Variants in SLCO1B3 observed in about 807,000 individuals in gnomAD.
SLCO1B3 encodes the protein liver-specific organic anion transporter 2.
Under a neutral mutation model 71.8 loss-of-function variants are expected in SLCO1B3, and 72 were observed. The observed-to-expected ratio is 1.00, with a 90% CI of 0.83 to 1.22. SLCO1B3 has a LOEUF of 1.22. Among genes scored for constraint, SLCO1B3 ranks in the 50% most tolerant of loss-of-function variants. SLCO1B3 has a pLI of 0.00. For missense variants in SLCO1B3, 911 were observed against 819.7 expected (o/e 1.11, Z -1.36); for synonymous variants, 298 against 278.4 (o/e 1.07, Z -0.70).
chr12:20,901,305 T>G, intron 14 of SLCO1B3, 45 bp from the exon 15 acceptor site: 1 of 1,175,222 alleles, frequency 8.5e-7, no homozygotes, highest in Non-Finnish European at 1.2e-6. Context: ...CAGTTACATT[T>G]GAAGCATTTC....
rs545073435 is a variant in SLCO1B3, at chr12:20,905,797, CCTT to C, written c.1865+4333_1865+4335del. 6.1e-4 allele frequency among the ~76,000 whole-genome samples: 93 copies of C among 152,334 alleles called. No individual in the cohort carries two copies. In the South Asian group the frequency reaches 0.018, roughly 30 times the overall value. On this transcript the variant is annotated intron_variant, in intron 15 of 15. Transcript: ENST00000381545. Reference sequence around the variant, plus strand: ...TCAATCTTTCCCACATCTTCTGTCTCCTTCTGAGCACTCCTAACTGTTTCAACC... The same window carrying C: ...TCAATCTTTCCCACATCTTCTGTCTCCTGAGCACTCCTAACTGTTTCAACC...
At chr12:20,889,176 C>T (rs1222252483) in intron 13 of SLCO1B3, among the ~76,000 whole-genome samples, 1 of 149,252 alleles carries the variant, frequency 6.7e-6, no homozygotes, top group East Asian at 2.0e-4. Flanking sequence ...TTGTTATGTA[C>T]TTGCCTGGCT....
At position 20,819,654 on chromosome 12, in the gene SLCO1B3, T is replaced by A. The variant is rs1864256493; in HGVS notation, c.84+3832T>A. Among the ~76,000 whole-genome samples, 3 of 151,976 alleles carry A rather than the reference T, an allele frequency of 2.0e-5. No individual in the cohort carries two copies. In the South Asian group the frequency reaches 6.2e-4, roughly 32 times the overall value. On this transcript the variant is annotated intron_variant, in intron 3 of 15. Coordinates refer to ENST00000381545, the MANE Select transcript of SLCO1B3 (RefSeq NM_019844.4). Reference sequence around the variant, plus strand: ...TTGTCTGGTTTTAGGACAGGTAAAATGGGGGAATTGTAAGGAGAGTTTATA... The same window carrying A: ...TTGTCTGGTTTTAGGACAGGTAAAAAGGGGGAATTGTAAGGAGAGTTTATA...
intron 3 of SLCO1B3, among the ~76,000 whole-genome samples, chr12:20,831,763 CAG>C (rs66486532): frequency 0.1 from 15,510 of 151,912 alleles, 1,052 homozygotes; most frequent in Middle Eastern, 0.17. Flanking sequence ...CACATACAGA[CAG>C]AGATAATTAA....
At chr12:20,861,851 C>A (rs1199338072) in intron 6 of SLCO1B3, among the ~76,000 whole-genome samples, 1 of 151,954 alleles carries the variant, frequency 6.6e-6, no homozygotes, top group Admixed American at 6.6e-5. Flanking sequence ...AATATACTTG[C>A]CTACTTTCTT....
intron 3 of SLCO1B3, among the ~76,000 whole-genome samples, chr12:20,820,215 T>C (rs1420867825): frequency 4.0e-4 from 61 of 152,000 alleles, no homozygotes; most frequent in African/African-American, 1.4e-3. Context: ...GAGAGTTACC[T>C]AAAGCTCGGC....
At chr12:20,855,196 A>C in intron 4 of SLCO1B3, 27 bp downstream of exon 4, 1 of 1,575,956 alleles carries the variant, frequency 6.3e-7, no homozygotes, top group Non-Finnish European at 8.7e-7. Context: ...CTATTTGATA[A>C]CCATACTTGC....
intron 9 of SLCO1B3, 50 bp from the exon 10 acceptor site, chr12:20,877,722 T>C: frequency 1.3e-6 from 1 of 783,698 alleles, no homozygotes; most frequent in Non-Finnish European, 1.8e-6. Context: ...AAAATTCAGA[T>C]ATTAATATAT....
In SLCO1B3 at chr12:20,898,086, A is replaced by G. The variant is rs139884352; in HGVS notation, c.1683-350A>G. ...CTGGATAAAAGTATATAATCCTTTAATAGGAGGTACCTTGACTAAATAGTC... is the reference window on the plus strand; with the variant it reads ...CTGGATAAAAGTATATAATCCTTTAGTAGGAGGTACCTTGACTAAATAGTC... On this transcript the variant is annotated intron_variant, in intron 13 of 15. Coordinates refer to ENST00000381545, the MANE Select transcript of SLCO1B3 (RefSeq NM_019844.4). 5.2e-3 allele frequency among the ~76,000 whole-genome samples: 792 copies of G among 152,342 alleles called. 2 individuals carry two copies. Among genetic ancestry groups the G allele is most frequent in the Middle Eastern group, 0.017 (5 of 294 alleles).
At chr12:20,842,977 T>TGAG (rs779022717) in intron 3 of SLCO1B3, among the ~76,000 whole-genome samples, 22 of 152,154 alleles carry the variant, frequency 1.4e-4, no homozygotes, top group Non-Finnish European at 2.6e-4. Context: ...ATGGCCCTCT[T>TGAG]CCTGCTGCTG....
Position 20,855,103 on chromosome 12 carries a change from CA to C in SLCO1B3, c.163del (p.Ile55Ter). The C allele has an allele frequency of 6.2e-7, 1 of 1,611,644 alleles. No individual in the cohort carries two copies. Among genetic ancestry groups the C allele is most frequent in the South Asian group, 1.1e-5 (1 of 90,982 alleles). ...GGIIMKISIT[Q>X]IERRFDISSS... is the part of the protein sequence containing the mutation. ...AATCATTATGAAAATTTCCATCACTCAAATAGAAAGGAGATTTGACATATCC... is the reference window on the plus strand; with the variant it reads ...AATCATTATGAAAATTTCCATCACTCAATAGAAAGGAGATTTGACATATCC... On this transcript the variant is annotated frameshift_variant, in exon 4 of 16. Transcript: ENST00000381545. LOFTEE classifies it high-confidence loss of function.
intron 3 of SLCO1B3, among the ~76,000 whole-genome samples, chr12:20,818,744 GC>G (rs1335790704): frequency 1.3e-5 from 2 of 151,862 alleles, no homozygotes; most frequent in African/African-American, 4.8e-5. Flanking sequence ...TGGTGATTAG[GC>G]CTGGTGGAAC....
In SLCO1B3 at chr12:20,863,516, A is replaced by T. The variant is rs151167390; in HGVS notation, c.727+662A>T. On this transcript the variant is annotated intron_variant, in intron 8 of 15. Transcript: ENST00000381545. ...TCCTTCCTACAGATATACCTTCACC[A>T]TATCCATATTTATCTTTTTTTAACC... Among the ~76,000 whole-genome samples the T allele has an allele frequency of 8.1e-4, 124 of 152,258 alleles. 1 individual carries two copies. The highest frequency in any genetic ancestry group is 2.9e-3 in the African/African-American group (121 of 41,548).
chr12:20,908,962 G>T (rs1866310684), intron 15 of SLCO1B3, among the ~76,000 whole-genome samples: 2 of 152,102 alleles, frequency 1.3e-5, no homozygotes, highest in South Asian at 2.1e-4. Flanking sequence ...GAAATTGTCA[G>T]ACTGGCTTCA....
In SLCO1B3 at chr12:20,877,793, G is replaced by A. The variant is rs1263090031; in HGVS notation, c.992G>A (p.Ser331Asn). The A allele has an allele frequency of 4.1e-6, 6 of 1,454,302 alleles. No homozygotes were observed. In the East Asian group the frequency reaches 1.1e-4, roughly 25 times the overall value. The allele number at this position is 1,454,302 out of a possible 1,614,324, so 90.1% of individuals were successfully genotyped here. A position where few individuals can be genotyped will look rare whatever the true frequency, so the allele number is the denominator to read the frequency against. ...ATAGGTTTTTTCCAGTCTTTGAAAA[G>A]CATCCTTACCAATCCCCTGTATGTT... Reference protein sequence around the residue: ...NVTGFFQSLKSILTNPLYVIF... With the variant: ...NVTGFFQSLKNILTNPLYVIF... Residue 331 changes from serine to asparagine, a missense_variant, in exon 10 of 16, where the codon AGC becomes AAC. Ser to Asn is a conservative substitution (Grantham distance 46). Coordinates refer to ENST00000381545, the MANE Select transcript of SLCO1B3 (RefSeq NM_019844.4).
At chr12:20,905,324 T>G (rs911977614) in intron 15 of SLCO1B3, among the ~76,000 whole-genome samples, 1 of 152,212 alleles carries the variant, frequency 6.6e-6, no homozygotes, top group African/African-American at 2.4e-5. Context: ...CCCACTGTCT[T>G]GGCTATTAAC....
chr12:20,820,600 A>G (rs1438664789), intron 3 of SLCO1B3, among the ~76,000 whole-genome samples: 2 of 152,134 alleles, frequency 1.3e-5, no homozygotes, highest in African/African-American at 4.8e-5. Flanking sequence ...TTGTTTTATT[A>G]CTGTACACCT....
chr12:20,844,314 C>T (rs1026232868), intron 3 of SLCO1B3, among the ~76,000 whole-genome samples: 2 of 152,022 alleles, frequency 1.3e-5, no homozygotes, highest in African/African-American at 4.8e-5. Context: ...TCCGTGTAAT[C>T]CCAGCACTTT....
intron 4 of SLCO1B3, 58 bp from the exon 5 acceptor site, chr12:20,858,381 T>G: frequency 7.8e-7 from 1 of 1,274,888 alleles, no homozygotes; most frequent in Non-Finnish European, 1.1e-6. Context: ...GGGCATTCAG[T>G]TCTACTAGAT....
Sources: gnomAD v4.1 joint callset for allele counts (sites outside exome capture counted in the v4.1 genomes callset) on GRCh38, gnomAD v4.1.1 for gene constraint, MANE v1.5 for transcripts, NCBI Gene and HGNC (gene_info 2026-07-23, HGNC 2026-07-21) for gene names.